Variants in DNAH11 observed in about 807,000 individuals in gnomAD.
The protein encoded by DNAH11 is dynein axonemal heavy chain 11, also known as axonemal beta dynein heavy chain 11.
In DNAH11, 442 loss-of-function variants were observed where a neutral mutation model predicts 526.0. The observed-to-expected ratio is 0.84, with a 90% CI of 0.78 to 0.91. The LOEUF (loss-of-function observed/expected upper bound fraction) is 0.91, where lower values mean the gene tolerates loss of function less well. Ranked by LOEUF, DNAH11 falls within the 40% of genes least tolerant of loss-of-function variation. The pLI is 0.00. For synonymous variants in DNAH11, 2,461 were observed against 1,935.9 expected, an observed-to-expected ratio of 1.27 and a Z score of -7.12; for missense variants, 6,989 against 5,448.7, an observed-to-expected ratio of 1.28 and a Z score of -8.90.
chr7:21,751,231 G>A (rs1786399039), intron 54 of DNAH11, among the ~76,000 whole-genome samples: 1 of 152,138 alleles, frequency 6.6e-6, no homozygotes. Flanking sequence ...GGCTGAGGCA[G>A]GAGAATCACT....
chr7:21,640,988 G>T (rs536235056), intron 28 of DNAH11, among the ~76,000 whole-genome samples: 8 of 152,132 alleles, frequency 5.3e-5, no homozygotes, highest in Non-Finnish European at 1.2e-4. Flanking sequence ...AAGGATCCAC[G>T]TGCTGGATTT....
chr7:21,571,870 G>C lies in DNAH11; in HGVS notation c.1490G>C (p.Gly497Ala), dbSNP rs775215103. 3.1e-6 allele frequency: 5 copies of C among 1,613,150 alleles called. No homozygotes were observed. In the South Asian group the frequency reaches 5.5e-5, roughly 18 times the overall value. Residue 497 changes from glycine to alanine, a missense_variant, in exon 8 of 82, where the codon GGA (glycine) becomes GCA (alanine). By Grantham distance (60) the Gly-to-Ala change is moderately conservative (BLOSUM62 0). Coordinates refer to ENST00000409508, the MANE Select transcript of DNAH11 (RefSeq NM_001277115.2). Reference protein sequence around the residue: ...LERLEFGGTKGAILNGQVHEM... With the variant: ...LERLEFGGTKAAILNGQVHEM... ...AGACTGGAATTTGGTGGTACCAAAG[G>C]AGCAATTTTAAATGGACAAGTCCAC...
intron 58 of DNAH11, 61 bp from the exon 59 acceptor site, chr7:21,786,563 G>C: frequency 6.6e-7 from 1 of 1,522,564 alleles, no homozygotes; most frequent in South Asian, 1.4e-5. Context: ...GCAACTTACA[G>C]AGCTTCTCCA....
At chr7:21,651,751 A>G (rs10267599) in intron 28 of DNAH11, among the ~76,000 whole-genome samples, 5,339 of 152,324 alleles carry the variant, frequency 0.035, 290 homozygotes, top group African/African-American at 0.12. Context: ...CCCTGGCAAC[A>G]TGGTTCAAAT....
intron 12 of DNAH11, among the ~76,000 whole-genome samples, chr7:21,590,506 G>A (rs1236511096): frequency 1.3e-5 from 2 of 152,158 alleles, no homozygotes; most frequent in Non-Finnish European, 2.9e-5. Flanking sequence ...TGCCTAGGAA[G>A]TGGGAAAGTT....
chr7:21,792,553 T>G (rs1386037530), intron 61 of DNAH11, among the ~76,000 whole-genome samples: 1 of 152,206 alleles, frequency 6.6e-6, no homozygotes, highest in Non-Finnish European at 1.5e-5. Context: ...GACTTTTTAT[T>G]ATTGCTTCAA....
At chr7:21,709,958 G>A (rs1237658305) in intron 40 of DNAH11, among the ~76,000 whole-genome samples, 1 of 152,118 alleles carries the variant, frequency 6.6e-6, no homozygotes, top group African/African-American at 2.4e-5. Context: ...TGTTAAATAT[G>A]TCACATCAAA....
At chr7:21,732,993 C>T (rs1221201829) in intron 45 of DNAH11, among the ~76,000 whole-genome samples, 2 of 152,178 alleles carry the variant, frequency 1.3e-5, no homozygotes, top group South Asian at 2.1e-4. Flanking sequence ...TTGATGATTC[C>T]TCACATCCTG....
intron 77 of DNAH11, among the ~76,000 whole-genome samples, 196 bp downstream of exon 77, chr7:21,892,863 C>G (rs1405201792): frequency 6.6e-6 from 1 of 152,112 alleles, no homozygotes; most frequent in East Asian, 1.9e-4. Context: ...CCCCTCACCT[C>G]CCCCAGAGAT....
At chr7:21,856,496 C>A (rs533832982) in intron 68 of DNAH11, among the ~76,000 whole-genome samples, 1 of 152,116 alleles carries the variant, frequency 6.6e-6, no homozygotes, top group East Asian at 1.9e-4. Context: ...CCAGTATTGC[C>A]CAAATTCCAA....
At chr7:21,792,320 T>G (rs553355161) in intron 61 of DNAH11, among the ~76,000 whole-genome samples, 11 of 152,212 alleles carry the variant, frequency 7.2e-5, no homozygotes, top group African/African-American at 1.2e-4. Context: ...TTGCTCGTAT[T>G]TTGTTGAGAA....
At chr7:21,792,634 G>A (rs919311352) in intron 61 of DNAH11, among the ~76,000 whole-genome samples, 1 of 152,048 alleles carries the variant, frequency 6.6e-6, no homozygotes, top group African/African-American at 2.4e-5. Flanking sequence ...GAGTGTATAT[G>A]TGCAGGAATT....
rs531652509 is a variant in DNAH11 at position 21,653,456 on chromosome 7, C to G, written c.4945-2376C>G. 2.0e-4 allele frequency among the ~76,000 whole-genome samples: 31 copies of G among 152,232 alleles called. 1 individual carries two copies. In the South Asian group the frequency reaches 6.0e-3, roughly 30 times the overall value. ...TCCTGGTCATTGAGTTACTATAGAGCTAGAAGTTCTTGAAATTATTTTCTC... is the reference window on the plus strand; with the variant it reads ...TCCTGGTCATTGAGTTACTATAGAGGTAGAAGTTCTTGAAATTATTTTCTC... On this transcript the variant is annotated intron_variant, in intron 28 of 81. Coordinates refer to ENST00000409508, the MANE Select transcript of DNAH11 (RefSeq NM_001277115.2).
At chr7:21,563,291 C>G (rs1427034305) in intron 5 of DNAH11, among the ~76,000 whole-genome samples, 2 of 151,924 alleles carry the variant, frequency 1.3e-5, no homozygotes, top group Non-Finnish European at 2.9e-5. Flanking sequence ...TCACTGCAGC[C>G]TCGACCTCCC....
rs147072463 is a variant in DNAH11, at chr7:21,867,110, G to T, written c.11690+447G>T. ...TCCCTATAACTTTACAACCAATGCA[G>T]TTTCAAAGCAGAAACCCTTGTCTAC... On this transcript the variant is annotated intron_variant, in intron 71 of 81. Transcript: ENST00000409508. 2.6e-3 allele frequency among the ~76,000 whole-genome samples: 399 copies of T among 152,316 alleles called. 3 individuals carry two copies. The highest frequency in any genetic ancestry group is 8.8e-3 in the African/African-American group (367 of 41,568).
chr7:21,827,982 T>A (rs1368289096), intron 65 of DNAH11, among the ~76,000 whole-genome samples: 1 of 152,014 alleles, frequency 6.6e-6, no homozygotes, highest in Admixed American at 6.6e-5. Flanking sequence ...AGAGTCTTGC[T>A]CTGTCGCCCA....
chr7:21,562,521 G>T (rs866606473), intron 5 of DNAH11, among the ~76,000 whole-genome samples: 1 of 152,012 alleles, frequency 6.6e-6, no homozygotes, highest in African/African-American at 2.4e-5. Context: ...GAATCCCAGG[G>T]TTCCTCTGAG....
At chr7:21,553,240 C>T (rs1783092432) in intron 2 of DNAH11, among the ~76,000 whole-genome samples, 1 of 151,780 alleles carries the variant, frequency 6.6e-6, no homozygotes, top group Non-Finnish European at 1.5e-5. Context: ...TTTATTTGTC[C>T]TTCCTTTATT....
chr7:21,682,094 T>C (rs184328113), intron 31 of DNAH11, among the ~76,000 whole-genome samples: 1 of 152,326 alleles, frequency 6.6e-6, no homozygotes, highest in East Asian at 1.9e-4. Context: ...CATTTCCCCT[T>C]GAAGAGAGAG....
Sources: allele counts gnomAD v4.1 joint callset (sites outside exome capture counted in the v4.1 genomes callset), GRCh38; gene constraint gnomAD v4.1.1; transcripts MANE v1.5; gene names NCBI Gene and HGNC (gene_info 2026-07-23, HGNC 2026-07-21).